ANKRD34B: variants seen among roughly 807,000 people sequenced by gnomAD.
The protein encoded by ANKRD34B is ankyrin repeat domain 34B.
In ANKRD34B, 2 loss-of-function variants were observed where a neutral mutation model predicts 4.4. That is an observed-to-expected ratio of 0.46 (90% CI 0.19 to 1.44). ANKRD34B has a LOEUF of 1.44. ANKRD34B is among the 40% of genes most tolerant of loss of function. The probability of loss-of-function intolerance (pLI) is 0.26; values close to 1 mark genes in which losing one functional copy is unlikely to be tolerated. For synonymous variants in ANKRD34B, 226 were observed against 227.1 expected (o/e 0.99, Z 0.05); for missense variants, 558 against 604.7 (o/e 0.92, Z 0.81).
chr5:80,560,874 G>A (rs59652717), intron 4 of ANKRD34B, among the ~76,000 whole-genome samples: 2,003 of 152,196 alleles, frequency 0.013, 57 homozygotes, highest in African/African-American at 0.044. Context: ...TTTGAAGGAC[G>A]AAATATTGTT....
At chr5:80,568,414 G>A (rs1266182413) in intron 2 of ANKRD34B, among the ~76,000 whole-genome samples, 1 of 152,204 alleles carries the variant, frequency 6.6e-6, no homozygotes, top group Non-Finnish European at 1.5e-5. Context: ...GCCTAGAGAC[G>A]GGTCCAGGGA....
chr5:80,559,854 CAT>C lies in ANKRD34B; in HGVS notation c.164_165del (p.His55ArgfsTer8). The C allele has an allele frequency of 6.2e-7, 1 of 1,614,212 alleles. No individual in the cohort carries two copies. The highest frequency in any genetic ancestry group is 8.5e-7 in the Non-Finnish European group (1 of 1,180,038). ...GCTTTACTGACACTCTGGTGATCGA[CAT>C]GTTTGGTCTTACAAGCGATCATTAA... Reference protein sequence around the residue: ...TPLMIACKTKHVDHQSVSKAK... With the variant: ...TPLMIACKTKXVDHQSVSKAK... On this transcript the variant is annotated frameshift_variant, in exon 5 of 5. Transcript: ENST00000338682. LOFTEE classifies it low-confidence loss of function (END_TRUNC).
In ANKRD34B at chr5:80,559,164, G is replaced by A. The variant is rs1437451547; in HGVS notation, c.856C>T (p.Leu286Phe). The change falls in exon 5 of 5, where the codon CTT becomes TTT. Residue 286 changes from leucine to phenylalanine, a missense_variant. Transcript: ENST00000338682. ...ELSYKTNGLA[L>F]SKRFITRHQS... ...TGCCTAGTGATGAACCGCTTGGAAAGTGCCAGCCCATTGGTTTTATAGGAT... is the reference window on the plus strand; with the variant it reads ...TGCCTAGTGATGAACCGCTTGGAAAATGCCAGCCCATTGGTTTTATAGGAT... 1 of 1,614,084 alleles carries A rather than the reference G, an allele frequency of 6.2e-7. No individual in the cohort carries two copies. Among genetic ancestry groups the A allele is most frequent in the East Asian group, 2.2e-5 (1 of 44,900 alleles).
At chr5:80,567,693 C>T (rs1357334030) in intron 2 of ANKRD34B, among the ~76,000 whole-genome samples, 2 of 148,908 alleles carry the variant, frequency 1.3e-5, no homozygotes, top group Non-Finnish European at 3.0e-5. Context: ...ACTCTACCTC[C>T]AAATAGGATC....
chr5:80,563,803 G>C lies in ANKRD34B; in HGVS notation c.-92C>G, dbSNP rs893391143. 6.6e-6 allele frequency: 1 copy of C among 152,186 alleles called. No homozygotes were observed. The highest frequency in any genetic ancestry group is 1.5e-5 in the Non-Finnish European group (1 of 68,038). The allele number at this position is 152,186 out of a possible 1,614,324, so 9.4% of individuals were successfully genotyped here. On this transcript the variant is annotated 5_prime_UTR_variant, in exon 4 of 5. It introduces an in-frame stop codon into an upstream open reading frame of the 5' UTR. Coordinates refer to ENST00000338682, the MANE Select transcript of ANKRD34B (RefSeq NM_001004441.3). ...GGGTCCCAACTCAGAGGTCTATTCTGAATGCAAAGCATCTGAAAAGAGCTC... is the reference window on the plus strand; with the variant it reads ...GGGTCCCAACTCAGAGGTCTATTCTCAATGCAAAGCATCTGAAAAGAGCTC...
rs1291031286 is a variant in ANKRD34B at position 80,559,624 on chromosome 5, C to A, written c.396G>T (p.Glu132Asp). The A allele has an allele frequency of 6.2e-7, 1 of 1,614,182 alleles. No individual in the cohort carries two copies. The highest frequency in any genetic ancestry group is 1.1e-5 in the South Asian group (1 of 91,078). ...AAGCACTAAGAAGAACTTTCAGGGT[C>A]TCTGTATCTTCTGAATTTATAGCAT... ...LVYAINSEDT[E>D]TLKVLLSACK... is the part of the protein sequence containing the mutation. Residue 132 changes from glutamate to aspartate, a missense_variant, in exon 5 of 5, where the codon GAG (glutamate) becomes GAT (aspartate). By Grantham distance (45) the Glu-to-Asp change is conservative. Transcript: ENST00000338682.
chr5:80,567,621 C>CA lies in ANKRD34B; in HGVS notation c.-190-848dup, dbSNP rs111603222. Among the ~76,000 whole-genome samples, 437 of 50,548 alleles carry CA rather than the reference C, an allele frequency of 8.6e-3. 17 individuals are homozygous for CA. Among genetic ancestry groups the CA allele is most frequent in the African/African-American group, 0.022 (351 of 15,894 alleles). The allele number at this position is 50,548 out of a possible 152,430, so 33.2% of individuals were successfully genotyped here. A position where few individuals can be genotyped will look rare whatever the true frequency, so the allele number is the denominator to read the frequency against. On this transcript the variant is annotated intron_variant, in intron 2 of 4. Transcript: ENST00000338682. Reference sequence around the variant, plus strand: ...GGGTGACAAAAGCAAGACTCCGTCTCAAAAAAAAAAAAAAAGAAAAGAAAA... The same window carrying CA: ...GGGTGACAAAAGCAAGACTCCGTCTCAAAAAAAAAAAAAAAAGAAAAGAAAA...
chr5:80,560,109 T>C, intron 4 of ANKRD34B, 67 bp from the exon 5 acceptor site: 1 of 952,768 alleles, frequency 1.0e-6, no homozygotes, highest in Non-Finnish European at 1.5e-6. Flanking sequence ...ATATTCATTT[T>C]GTCAGAATTA....
rs779716600 is a variant in ANKRD34B at position 80,559,487 on chromosome 5, T to C, written c.533A>G (p.His178Arg). The change falls in exon 5 of 5, where the codon CAT (histidine) becomes CGT (arginine). Residue 178 changes from histidine to arginine, a missense_variant. Transcript: ENST00000338682. ...NMPPVDIDGC[H>R]SPATCTTPSE... ...AGGAGTGGTGCAGGTAGCTGGGGAA[T>C]GACACCCATCTATATCCACAGGAGG... The C allele has an allele frequency of 7.4e-6, 12 of 1,614,226 alleles. No homozygotes were observed. In the South Asian group the frequency reaches 1.1e-4, roughly 15 times the overall value.
At position 80,559,174 on chromosome 5, in the gene ANKRD34B, A is replaced by T. The variant is rs368893865; in HGVS notation, c.846T>A (p.Asn282Lys). The change falls in exon 5 of 5, where the codon AAT becomes AAA. Residue 282 changes from asparagine (N) to lysine (K), a missense_variant. Coordinates refer to ENST00000338682, the MANE Select transcript of ANKRD34B (RefSeq NM_001004441.3). ...TPEEELSYKT[N>K]GLALSKRFIT... ...TGAACCGCTTGGAAAGTGCCAGCCC[A>T]TTGGTTTTATAGGATAGTTCTTCCT... 1 of 1,614,200 alleles carries T rather than the reference A, an allele frequency of 6.2e-7. No homozygotes were observed. The highest frequency in any genetic ancestry group is 8.5e-7 in the Non-Finnish European group (1 of 1,180,046).
intron 4 of ANKRD34B, among the ~76,000 whole-genome samples, chr5:80,560,961 C>G (rs138187122): frequency 6.6e-6 from 1 of 152,088 alleles, no homozygotes; most frequent in South Asian, 2.1e-4. Flanking sequence ...CATGTGATTA[C>G]GCATTTCTCT....
chr5:80,568,925 C>CACAGAGAGAGAGAG, intron 2 of ANKRD34B, 35 bp downstream of exon 2: 12 of 49,900 alleles, frequency 2.4e-4, no homozygotes, highest in African/African-American at 8.0e-4. Context: ...CACACACACA[C>CACAGAGAGAGAGAG]AGAGAGAGAG....
In ANKRD34B at chr5:80,558,789, A is replaced by G. The variant is rs1746325600; in HGVS notation, c.1231T>C (p.Leu411=). The G allele has an allele frequency of 1.2e-6, 2 of 1,614,186 alleles. No individual in the cohort carries two copies. Among genetic ancestry groups the G allele is most frequent in the Non-Finnish European group, 1.7e-6 (2 of 1,180,040 alleles). Residue 411 remains leucine, a synonymous_variant, in exon 5 of 5, where the codon TTG becomes CTG. Transcript: ENST00000338682. ...PSQLSESKEL[L]ENIPPGPLSR... ...AGGGGACCTGGGGGGATATTCTCCA[A>G]CAATTCTTTGGACTCTGACAATTGG...
chr5:80,563,419 T>C (rs1746463711), intron 4 of ANKRD34B, among the ~76,000 whole-genome samples: 1 of 152,236 alleles, frequency 6.6e-6, no homozygotes, highest in Non-Finnish European at 1.5e-5. Context: ...GAAAAGAGCA[T>C]AGCATATATG....
Position 80,558,594 on chromosome 5 carries a change from C to G in ANKRD34B, c.1426G>C (p.Gly476Arg). Residue 476 changes from glycine (G) to arginine (R), a missense_variant, in exon 5 of 5, where the codon GGT becomes CGT. Coordinates refer to ENST00000338682, the MANE Select transcript of ANKRD34B (RefSeq NM_001004441.3). Reference protein sequence around the residue: ...NNKICSLLSCGQKVLMPTVPI... With the variant: ...NNKICSLLSCRQKVLMPTVPI... Reference sequence around the variant, plus strand: ...ACTGTTGGCATAAGCACTTTTTGACCACAAGAAAGAAGGCTGCAAATCTTG... The same window carrying G: ...ACTGTTGGCATAAGCACTTTTTGACGACAAGAAAGAAGGCTGCAAATCTTG... 1 of 1,613,930 alleles carries G rather than the reference C, an allele frequency of 6.2e-7. No homozygotes were observed. Among genetic ancestry groups the G allele is most frequent in the Non-Finnish European group, 8.5e-7 (1 of 1,179,900 alleles).
chr5:80,566,373 C>T (rs1746565947), intron 3 of ANKRD34B, among the ~76,000 whole-genome samples: 1 of 152,110 alleles, frequency 6.6e-6, no homozygotes, highest in African/African-American at 2.4e-5. Context: ...ATATTCTATC[C>T]CACCCCAGGA....
chr5:80,569,989 C>T (rs1049681153), intron 1 of ANKRD34B, among the ~76,000 whole-genome samples, 165 bp downstream of exon 1: 6 of 152,186 alleles, frequency 3.9e-5, no homozygotes, highest in African/African-American at 1.4e-4. Flanking sequence ...TCAGGGTGAG[C>T]GGGAGGTGCG....
chr5:80,566,314 G>C (rs1430021582), intron 3 of ANKRD34B, among the ~76,000 whole-genome samples: 1 of 152,180 alleles, frequency 6.6e-6, no homozygotes, highest in African/African-American at 2.4e-5. Context: ...TCAGGGCTTA[G>C]AACAAGAAGA....
At chr5:80,564,698 A>G (rs1248624943) in intron 3 of ANKRD34B, among the ~76,000 whole-genome samples, 1 of 106,024 alleles carries the variant, frequency 9.4e-6, no homozygotes, top group Non-Finnish European at 1.9e-5. Context: ...TTGTTTGCTC[A>G]CTTCTTTTTT....
Sources: allele counts gnomAD v4.1 joint callset (sites outside exome capture counted in the v4.1 genomes callset), GRCh38; gene constraint gnomAD v4.1.1; transcripts MANE v1.5; gene names NCBI Gene and HGNC (gene_info 2026-07-23, HGNC 2026-07-21).